PDE1C: variants seen among roughly 807,000 people sequenced by gnomAD.
PDE1C encodes dual specificity calcium/calmodulin-dependent 3',5'-cyclic nucleotide phosphodiesterase 1C.
Under a neutral mutation model 93.1 loss-of-function variants are expected in PDE1C, and 62 were observed. The observed-to-expected ratio is 0.67, with a 90% CI of 0.54 to 0.82. The LOEUF (loss-of-function observed/expected upper bound fraction) is 0.82, where lower values mean the gene tolerates loss of function less well. Among genes scored for constraint, PDE1C ranks in the 40% least tolerant of loss-of-function variants. The probability of loss-of-function intolerance (pLI) is 0.00; values close to 1 mark genes in which losing one functional copy is unlikely to be tolerated. For synonymous variants in PDE1C, 325 were observed against 310.1 expected (o/e 1.05, Z -0.50); for missense variants, 742 against 884.6 (o/e 0.84, Z 2.04).
chr7:31,633,642 G>T, the PDE1C span, among the ~76,000 whole-genome samples: 1 of 152,188 alleles, frequency 6.6e-6, no homozygotes, highest in Non-Finnish European at 1.5e-5. Flanking sequence ...GCTCTTAAAG[G>T]CATTGGCATT....
At chr7:31,645,278 T>C in the PDE1C span, among the ~76,000 whole-genome samples, 4 of 152,206 alleles carry the variant, frequency 2.6e-5, no homozygotes, top group Admixed American at 6.5e-5. Context: ...TACTTGGCCT[T>C]TCAATGTATA....
chr7:32,238,066 G>A lies in PDE1C; in HGVS notation c.86-28527C>T, dbSNP rs573377409. On this transcript the variant is annotated intron_variant, in intron 1 of 18. Transcript: ENST00000396193. ...ATTGCAGGCGTAAACCACCACACCT[G>A]GCCAAAGGTTATAAGTTTTACCTAG... Among the ~76,000 whole-genome samples, 6 of 152,050 alleles carry A rather than the reference G, an allele frequency of 3.9e-5. No individual in the cohort carries two copies. In the South Asian group the frequency reaches 1.2e-3, roughly 32 times the overall value.
chr7:32,403,045 T>A (rs1784981202), intron 1 of PDE1C, among the ~76,000 whole-genome samples: 1 of 152,004 alleles, frequency 6.6e-6, no homozygotes, highest in Non-Finnish European at 1.5e-5. Flanking sequence ...GAAATAGAGG[T>A]GAGAGCCTGG....
At chr7:32,269,771 C>T (rs1047450729) in intron 1 of PDE1C, among the ~76,000 whole-genome samples, 1 of 151,700 alleles carries the variant, frequency 6.6e-6, no homozygotes, top group African/African-American at 2.4e-5. Context: ...AGCCACCGTG[C>T]CCGGCCTGTT....
At chr7:32,396,415 T>A (rs1186355065) in intron 1 of PDE1C, among the ~76,000 whole-genome samples, 2 of 151,726 alleles carry the variant, frequency 1.3e-5, no homozygotes, top group Non-Finnish European at 2.9e-5. Context: ...GAGGTCGAGG[T>A]GGCAGTGAGC....
At chr7:32,267,294 G>C (rs1245398522) in intron 1 of PDE1C, among the ~76,000 whole-genome samples, 1 of 152,212 alleles carries the variant, frequency 6.6e-6, no homozygotes, top group Admixed American at 6.5e-5. Flanking sequence ...AGGGACACTG[G>C]GTGGAGCTGT....
intron 16 of PDE1C, among the ~76,000 whole-genome samples, chr7:31,804,473 AG>A (rs1289744192): frequency 1.3e-5 from 2 of 151,882 alleles, no homozygotes; most frequent in African/African-American, 2.4e-5. Context: ...TTACACACAG[AG>A]GATATTTTCT....
At chr7:32,281,438 G>A (rs1811619910) in intron 1 of PDE1C, among the ~76,000 whole-genome samples, 2 of 152,060 alleles carry the variant, frequency 1.3e-5, no homozygotes, top group African/African-American at 4.8e-5. Flanking sequence ...AAGGAAGTCA[G>A]GCCAGGTATG....
the PDE1C span, among the ~76,000 whole-genome samples, chr7:31,725,657 C>G: frequency 6.6e-6 from 1 of 152,152 alleles, no homozygotes; most frequent in Non-Finnish European, 1.5e-5. Context: ...TGCCAGGTTC[C>G]TAGTGTGATA....
At chr7:32,222,859 C>T (rs1239781631) in intron 1 of PDE1C, among the ~76,000 whole-genome samples, 1 of 152,164 alleles carries the variant, frequency 6.6e-6, no homozygotes, top group Non-Finnish European at 1.5e-5. Flanking sequence ...GTAAATGGAA[C>T]CACTTTCCCC....
rs900254078 is a variant in PDE1C at position 32,307,643 on chromosome 7, C to T, written c.311-98104G>A. On this transcript the variant is annotated intron_variant, in intron 1 of 1. Coordinates refer to the PDE1C transcript ENST00000672256. ...GCCCAGGACTGAGGTCATGATCTGTCGCCACATCAGAGTTGGAACCTTTCT... is the reference window on the plus strand; with the variant it reads ...GCCCAGGACTGAGGTCATGATCTGTTGCCACATCAGAGTTGGAACCTTTCT... 6.6e-5 allele frequency among the ~76,000 whole-genome samples: 10 copies of T among 152,254 alleles called. No individual in the cohort carries two copies. In the South Asian group the frequency reaches 1.0e-3, roughly 16 times the overall value.
intron 2 of PDE1C, among the ~76,000 whole-genome samples, chr7:32,178,159 G>A (rs1273581752): frequency 6.6e-6 from 1 of 152,156 alleles, no homozygotes; most frequent in African/African-American, 2.4e-5. Context: ...GAGGTGCCCA[G>A]GATACAGGGT....
At chr7:32,202,881 G>A (rs12534182) in intron 2 of PDE1C, among the ~76,000 whole-genome samples, 10,237 of 152,050 alleles carry the variant, frequency 0.067, 585 homozygotes, top group East Asian at 0.35. Context: ...GTATTTTAAC[G>A]TGAACAATAC....
the PDE1C span, chr7:31,652,540 A>G: frequency 6.2e-7 from 1 of 1,604,248 alleles, no homozygotes; most frequent in Non-Finnish European, 8.5e-7. Flanking sequence ...CTCACAGCAG[A>G]GCCACCTGAA....
chr7:31,733,943 G>A, the PDE1C span, among the ~76,000 whole-genome samples: 1 of 152,152 alleles, frequency 6.6e-6, no homozygotes. Context: ...GGCGGAGGTT[G>A]CAGTGAGCCG....
At chr7:32,156,507 G>GAT (rs1027893263) in intron 3 of PDE1C, among the ~76,000 whole-genome samples, 5 of 152,156 alleles carry the variant, frequency 3.3e-5, no homozygotes, top group African/African-American at 9.7e-5. Context: ...CTTTAGGGTT[G>GAT]ATGTCTCTCC....
chr7:32,266,551 G>A (rs907013459), intron 1 of PDE1C, among the ~76,000 whole-genome samples: 1 of 152,192 alleles, frequency 6.6e-6, no homozygotes, highest in Non-Finnish European at 1.5e-5. Context: ...TGATGGGTGA[G>A]GGAGAGGAAT....
At chr7:31,815,020 C>G (rs1254016136) in intron 15 of PDE1C, among the ~76,000 whole-genome samples, 3 of 151,990 alleles carry the variant, frequency 2.0e-5, no homozygotes, top group Non-Finnish European at 2.9e-5. Flanking sequence ...TGTACTTGCT[C>G]ATCTTGTTCT....
intron 17 of PDE1C, among the ~76,000 whole-genome samples, chr7:31,767,871 G>A (rs1269256301): frequency 1.3e-5 from 2 of 152,174 alleles, no homozygotes; most frequent in Non-Finnish European, 2.9e-5. Flanking sequence ...TCTTTCATAA[G>A]GTCGTTAATC....
Sources: gnomAD v4.1 joint callset for allele counts (sites outside exome capture counted in the v4.1 genomes callset) on GRCh38, gnomAD v4.1.1 for gene constraint, MANE v1.5 for transcripts, NCBI Gene and HGNC (gene_info 2026-07-23, HGNC 2026-07-21) for gene names.